Variants in SUSD4 observed in about 807,000 individuals in gnomAD.
SUSD4 encodes the protein sushi domain containing 4.
Under a neutral mutation model 50.5 loss-of-function variants are expected in SUSD4, and 41 were observed. That is an observed-to-expected ratio of 0.81 (90% CI 0.63 to 1.05). SUSD4 has a LOEUF of 1.05. Ranked by LOEUF, SUSD4 falls within the 50% of genes least tolerant of loss-of-function variation. The pLI, the probability that SUSD4 is intolerant of heterozygous loss-of-function variation, is 0.00. For missense variants in SUSD4, 580 were observed against 634.7 expected, an observed-to-expected ratio of 0.91 and a Z score of 0.93; for synonymous variants, 257 against 257.3, an observed-to-expected ratio of 1.00 and a Z score of 0.01.
chr1:223,263,737 C>T (rs1013724910), intron 5 of SUSD4: 45 of 985,334 alleles, frequency 4.6e-5, no homozygotes, highest in Non-Finnish European at 5.4e-5. Context: ...CCTACCCTGA[C>T]TTCCTCCCAC....
At chr1:223,361,910 G>A (rs1472462377) in intron 2 of SUSD4, among the ~76,000 whole-genome samples, 1 of 152,214 alleles carries the variant, frequency 6.6e-6, no homozygotes, top group Non-Finnish European at 1.5e-5. Flanking sequence ...TAGAGGCTGT[G>A]ACCAGAGCCC....
chr1:223,349,454 T>G (rs1036543668), intron 2 of SUSD4, among the ~76,000 whole-genome samples: 4 of 152,164 alleles, frequency 2.6e-5, no homozygotes, highest in African/African-American at 9.7e-5. Context: ...TAGCAGTAGT[T>G]TGATTAGATT....
rs1396401088 is a variant in SUSD4, at chr1:223,268,034, TATATATATACAC to T, written c.535+456_535+467del. Among the ~76,000 whole-genome samples the T allele has an allele frequency of 8.7e-5, 8 of 92,470 alleles. 1 individual carries two copies. The highest frequency in any genetic ancestry group is 3.2e-4 in the Admixed American group (3 of 9,510). The allele number at this position is 92,470 out of a possible 152,430, so 60.7% of individuals were successfully genotyped here. A position where few individuals can be genotyped will look rare whatever the true frequency, so the allele number is the denominator to read the frequency against. The stretch of plus-strand genomic sequence containing the variant: ...TTTTTTATATATATATATATATATA[TATATATATACAC>T]ACACACTGTTAAGAGAAAACAGCCT... On this transcript the variant is annotated intron_variant, in intron 4 of 8. Coordinates refer to ENST00000366878, the MANE Select transcript of SUSD4 (RefSeq NM_017982.4).
chr1:223,251,933 A>G (rs1486229077), intron 5 of SUSD4, among the ~76,000 whole-genome samples: 1 of 151,892 alleles, frequency 6.6e-6, no homozygotes, highest in Non-Finnish European at 1.5e-5. Context: ...TGACTTTTTA[A>G]TGATCGCCAT....
At position 223,268,589 on chromosome 1, in the gene SUSD4, C is replaced by A. The variant is rs1662688952; in HGVS notation, c.448G>T (p.Gly150Ter). 3.7e-6 allele frequency: 6 copies of A among 1,608,278 alleles called. No homozygotes were observed. Among genetic ancestry groups the A allele is most frequent in the Non-Finnish European group, 5.1e-6 (6 of 1,177,508 alleles). Residue 150 changes from glycine (G) to a stop codon, truncating the protein, a stop_gained, in exon 4 of 9, where the codon GGA becomes TGA. Coordinates refer to ENST00000366878, the MANE Select transcript of SUSD4 (RefSeq NM_017982.4). LOFTEE classifies it high-confidence loss of function. The part of the protein sequence containing the change: ...GEKLIITCHE[G>*]FKIRYPDLHN... ...AGGTCGGGGTACCGGATCTTGAATC[C>A]TTCATGACAAGTGATGATTAGCTTC...
rs1363203115 is a variant in SUSD4 at position 223,264,668 on chromosome 1, A to G, written c.686T>C (p.Ile229Thr). Reference protein sequence around the residue: ...SAYLECLQNLIWSSSPPRCLA... With the variant: ...SAYLECLQNLTWSSSPPRCLA... ...GCACCGGGGTGGGCTGGACGACCAG[A>G]TAAGGTTTTGTAAGCACTCAAGATA... The change falls in exon 5 of 9, where the codon ATC becomes ACC. Residue 229 changes from isoleucine (I) to threonine (T), a missense_variant. By Grantham distance (89) the Ile-to-Thr change is moderately conservative. Coordinates refer to ENST00000366878, the MANE Select transcript of SUSD4 (RefSeq NM_017982.4). 3 of 1,614,220 alleles carry G rather than the reference A, an allele frequency of 1.9e-6. No homozygotes were observed. The highest frequency in any genetic ancestry group is 4.5e-5 in the East Asian group (2 of 44,882).
chr1:223,240,268 T>C (rs945907555), intron 5 of SUSD4, among the ~76,000 whole-genome samples: 3 of 152,182 alleles, frequency 2.0e-5, no homozygotes, highest in Non-Finnish European at 4.4e-5. Context: ...TTGTTTTAGT[T>C]TTTTTGTTTT....
intron 2 of SUSD4, among the ~76,000 whole-genome samples, chr1:223,328,779 G>A (rs969392645): frequency 6.6e-6 from 1 of 152,152 alleles, no homozygotes; most frequent in African/African-American, 2.4e-5. Context: ...TTCCTTGGCT[G>A]GTAGACCAGC....
chr1:223,349,745 T>C (rs1668252550), intron 2 of SUSD4, among the ~76,000 whole-genome samples: 1 of 152,138 alleles, frequency 6.6e-6, no homozygotes, highest in African/African-American at 2.4e-5. Context: ...TCCGGCATCA[T>C]CTCCTCCTGG....
intron 2 of SUSD4, among the ~76,000 whole-genome samples, chr1:223,339,190 C>A (rs1393879860): frequency 6.6e-6 from 1 of 152,098 alleles, no homozygotes; most frequent in East Asian, 1.9e-4. Context: ...ACTGCAAGAC[C>A]CATTGTGCAC....
chr1:223,324,083 G>A (rs964654920), intron 2 of SUSD4, among the ~76,000 whole-genome samples: 3 of 149,982 alleles, frequency 2.0e-5, no homozygotes, highest in African/African-American at 4.9e-5. Context: ...TGGCACATCC[G>A]ACTGACTGCA....
chr1:223,251,618 T>C (rs1383236343), intron 5 of SUSD4, among the ~76,000 whole-genome samples: 1 of 152,238 alleles, frequency 6.6e-6, no homozygotes, highest in Non-Finnish European at 1.5e-5. Flanking sequence ...TTTCATGGTG[T>C]ATATGTGCCA....
chr1:223,316,113 C>T (rs1666172188), intron 2 of SUSD4, among the ~76,000 whole-genome samples: 1 of 152,052 alleles, frequency 6.6e-6, no homozygotes, highest in Non-Finnish European at 1.5e-5. Context: ...ATCAAGGATG[C>T]AGAGAGGTGC....
chr1:223,240,384 ATTTCTTTCT>A (rs938425945), intron 5 of SUSD4, among the ~76,000 whole-genome samples: 1 of 150,584 alleles, frequency 6.6e-6, no homozygotes, highest in Non-Finnish European at 1.5e-5. Flanking sequence ...TTTTTCACCT[ATTTCTTTCT>A]TTTCTTTCTC....
At chr1:223,264,346 A>G (rs1662328919) in intron 5 of SUSD4, 18 of 1,128,096 alleles carry the variant, frequency 1.6e-5, no homozygotes, top group Non-Finnish European at 2.0e-5. Context: ...TTTTGAAGAC[A>G]TTTCATTTAA....
intron 2 of SUSD4, among the ~76,000 whole-genome samples, chr1:223,345,596 C>T (rs1186446332): frequency 6.6e-6 from 1 of 152,324 alleles, no homozygotes; most frequent in Non-Finnish European, 1.5e-5. Context: ...TTATAATTAC[C>T]GCTGCCCATG....
chr1:223,244,064 G>A (rs1398247114), intron 5 of SUSD4, among the ~76,000 whole-genome samples: 5 of 152,326 alleles, frequency 3.3e-5, no homozygotes, highest in Non-Finnish European at 7.3e-5. Context: ...TATGTGGCTG[G>A]ATAGGCCTTC....
chr1:223,325,070 CTTATGATTTGG>C (rs1335610992), intron 2 of SUSD4, among the ~76,000 whole-genome samples: 1 of 152,084 alleles, frequency 6.6e-6, no homozygotes, highest in Non-Finnish European at 1.5e-5. Context: ...TTTGGAAATT[CTTATGATTTGG>C]TTAGGTCATA....
chr1:223,279,980 C>G (rs1009617565), intron 3 of SUSD4, among the ~76,000 whole-genome samples: 1 of 152,152 alleles, frequency 6.6e-6, no homozygotes, highest in African/African-American at 2.4e-5. Flanking sequence ...CATATCCAGC[C>G]AAACTAAGCT....
Sources: allele counts gnomAD v4.1 joint callset (sites outside exome capture counted in the v4.1 genomes callset), GRCh38; gene constraint gnomAD v4.1.1; transcripts MANE v1.5; gene names NCBI Gene and HGNC (gene_info 2026-07-23, HGNC 2026-07-21).